ANKS1B: variants seen among roughly 807,000 people sequenced by gnomAD.
ANKS1B encodes the protein ankyrin repeat and sterile alpha motif domain-containing protein 1B.
ANKS1B carries 36 observed loss-of-function variants against 148.3 expected under a neutral mutation model. The observed-to-expected ratio is 0.24, with a 90% CI of 0.19 to 0.32. ANKS1B has a LOEUF of 0.32. ANKS1B is among the 10% of genes least tolerant of loss of function. The probability of loss-of-function intolerance (pLI) is 1.00; values close to 1 mark genes in which losing one functional copy is unlikely to be tolerated. For missense variants in ANKS1B, 1,157 were observed against 1,542.6 expected (o/e 0.75, Z 4.19); for synonymous variants, 542 against 560.8 (o/e 0.97, Z 0.47).
intron 9 of ANKS1B, among the ~76,000 whole-genome samples, chr12:99,537,324 T>A (rs1348157895): frequency 6.6e-6 from 1 of 152,124 alleles, no homozygotes; most frequent in Non-Finnish European, 1.5e-5. Context: ...TTTAGTTTTT[T>A]GAGGAACCTC....
chr12:98,895,357 C>G, intron 17 of ANKS1B: 4 of 972,912 alleles, frequency 4.1e-6, no homozygotes, highest in Non-Finnish European at 4.9e-6. Flanking sequence ...GTAGCAGCGG[C>G]GCGGCTCCGC....
chr12:99,498,444 G>GCA (rs1567217178), intron 10 of ANKS1B, among the ~76,000 whole-genome samples: 10 of 152,112 alleles, frequency 6.6e-5, no homozygotes, highest in Admixed American at 1.3e-4. Context: ...TGCCTGGAGT[G>GCA]CCATACCTTA....
chr12:99,858,303 G>T (rs947720360), intron 1 of ANKS1B, among the ~76,000 whole-genome samples: 1 of 152,026 alleles, frequency 6.6e-6, no homozygotes, highest in Non-Finnish European at 1.5e-5. Flanking sequence ...CATCACTAAT[G>T]ACCAGAGAAA....
chr12:99,767,991 A>T (rs2062815368), intron 8 of ANKS1B, among the ~76,000 whole-genome samples: 1 of 152,184 alleles, frequency 6.6e-6, no homozygotes, highest in Non-Finnish European at 1.5e-5. Context: ...ATTTGAAATT[A>T]CTGAATCAGA....
At position 99,743,363 on chromosome 12, in the gene ANKS1B, T is replaced by A. The variant is rs985600328; in HGVS notation, c.1128+29559A>T. 6.6e-5 allele frequency among the ~76,000 whole-genome samples: 10 copies of A among 152,200 alleles called. 1 individual carries two copies. Among genetic ancestry groups the A allele is most frequent in the Non-Finnish European group, 1.3e-4 (9 of 68,020 alleles). ...TACCAATAATCTAATGTAGTCTATT[T>A]TTTAAATGATTTTTAAGTATAACTT... On this transcript the variant is annotated intron_variant, in intron 8 of 26. Coordinates refer to ENST00000683438, the MANE Select transcript of ANKS1B (RefSeq NM_001352186.2).
chr12:99,877,401 C>T (rs2092183890), intron 1 of ANKS1B, among the ~76,000 whole-genome samples: 1 of 152,084 alleles, frequency 6.6e-6, no homozygotes, highest in Non-Finnish European at 1.5e-5. Context: ...TAGAAATCTG[C>T]CCCTGTACTC....
intron 14 of ANKS1B, among the ~76,000 whole-genome samples, chr12:99,160,677 T>C (rs1484271945): frequency 1.3e-5 from 2 of 152,130 alleles, no homozygotes; most frequent in African/African-American, 4.8e-5. Context: ...TTTGAGGTCT[T>C]ACTTTAAATC....
intron 14 of ANKS1B, among the ~76,000 whole-genome samples, chr12:99,219,139 T>A (rs936578469): frequency 5.9e-5 from 9 of 152,174 alleles, no homozygotes; most frequent in African/African-American, 2.2e-4. Context: ...AGATTTGCTA[T>A]GGGTTAATGT....
chr12:99,067,864 G>A (rs764264003), intron 16 of ANKS1B, among the ~76,000 whole-genome samples: 1 of 140,644 alleles, frequency 7.1e-6, no homozygotes, highest in Non-Finnish European at 1.6e-5. Flanking sequence ...TCTGTTGTAT[G>A]TGCGTGTGTG....
rs12303569 is a variant in ANKS1B, at chr12:99,912,830, G to A, written c.134+71274C>T. On this transcript the variant is annotated intron_variant, in intron 1 of 26. Coordinates refer to ENST00000683438, the MANE Select transcript of ANKS1B (RefSeq NM_001352186.2). ...AATGTCATATGGCACTATACTGAAT[G>A]TGTCCATAGAAGTAGAGTACTAAAC... Among the ~76,000 whole-genome samples, 328 of 152,194 alleles carry A rather than the reference G, an allele frequency of 2.2e-3. 1 individual carries two copies. The highest frequency in any genetic ancestry group is 7.6e-3 in the African/African-American group (316 of 41,520).
intron 14 of ANKS1B, among the ~76,000 whole-genome samples, chr12:99,162,731 C>T (rs1007574526): frequency 1.1e-4 from 17 of 152,148 alleles, no homozygotes; most frequent in African/African-American, 2.4e-5. Context: ...ATACCACTCA[C>T]TTTTCTGAAC....
intron 8 of ANKS1B, among the ~76,000 whole-genome samples, chr12:99,746,553 T>A (rs1176439138): frequency 6.6e-6 from 1 of 152,128 alleles, no homozygotes; most frequent in African/African-American, 2.4e-5. Context: ...TTCTATACAA[T>A]CATTGTAATG....
At chr12:99,079,259 T>C (rs530546893) in intron 16 of ANKS1B, among the ~76,000 whole-genome samples, 3 of 152,346 alleles carry the variant, frequency 2.0e-5, no homozygotes, top group Admixed American at 2.0e-4. Flanking sequence ...TAATTTGTTC[T>C]TTAACAATAC....
intron 25 of ANKS1B, among the ~76,000 whole-genome samples, chr12:98,753,872 G>A (rs1033048427): frequency 1.3e-5 from 2 of 152,196 alleles, no homozygotes; most frequent in African/African-American, 2.4e-5. Context: ...CAAGCGCTCT[G>A]GGAGCCCGAT....
intron 25 of ANKS1B, among the ~76,000 whole-genome samples, chr12:98,764,549 T>C (rs540103348): frequency 8.9e-4 from 136 of 152,330 alleles, no homozygotes; most frequent in Admixed American, 1.4e-3. Context: ...TTGTGAGGCA[T>C]TGGACATGGG....
intron 19 of ANKS1B, among the ~76,000 whole-genome samples, chr12:98,818,375 G>A (rs2099159029): frequency 6.6e-6 from 1 of 152,128 alleles, no homozygotes; most frequent in African/African-American, 2.4e-5. Context: ...TATGACAGCT[G>A]TAGCCCTAAA....
intron 17 of ANKS1B, among the ~76,000 whole-genome samples, chr12:98,939,369 C>T (rs926831411): frequency 6.6e-6 from 1 of 152,180 alleles, no homozygotes; most frequent in East Asian, 1.9e-4. Context: ...AAAGTTTAGC[C>T]TATAAATTGG....
chr12:99,324,822 C>T (rs1054388180), intron 12 of ANKS1B, among the ~76,000 whole-genome samples: 2 of 151,888 alleles, frequency 1.3e-5, no homozygotes, highest in African/African-American at 4.8e-5. Context: ...ATATCAGGCA[C>T]AGAAATTTAG....
At chr12:99,803,141 G>C (rs1309157478) in intron 4 of ANKS1B, among the ~76,000 whole-genome samples, 1 of 151,952 alleles carries the variant, frequency 6.6e-6, no homozygotes, top group South Asian at 2.1e-4. Context: ...GAAACAATTT[G>C]AGGCTACTAG....
Sources: gnomAD v4.1 joint callset for allele counts (sites outside exome capture counted in the v4.1 genomes callset) on GRCh38, gnomAD v4.1.1 for gene constraint, MANE v1.5 for transcripts, NCBI Gene and HGNC (gene_info 2026-07-23, HGNC 2026-07-21) for gene names.